Variants in GALNT6 observed in about 807,000 individuals in gnomAD.
GALNT6 encodes polypeptide N-acetylgalactosaminyltransferase 6.
GALNT6 carries 51 observed loss-of-function variants against 65.9 expected under a neutral mutation model. The observed-to-expected ratio is 0.77, with a 90% confidence interval of 0.62 to 0.98. GALNT6 has a LOEUF of 0.98. Among genes scored for constraint, GALNT6 ranks in the 50% least tolerant of loss-of-function variants. GALNT6 has a pLI of 0.00. For missense variants in GALNT6, 708 were observed against 803.3 expected (o/e 0.88, Z 1.43); for synonymous variants, 323 against 315.1 (o/e 1.02, Z -0.26).
At chr12:51,374,938 T>A (rs1326591018) in intron 4 of GALNT6, among the ~76,000 whole-genome samples, 5 of 152,192 alleles carry the variant, frequency 3.3e-5, no homozygotes, top group Non-Finnish European at 7.4e-5. Context: ...GCTTTTAGCA[T>A]GACATGAATG....
intron 4 of GALNT6, among the ~76,000 whole-genome samples, chr12:51,373,786 C>T (rs1384931402): frequency 1.3e-5 from 2 of 152,214 alleles, no homozygotes; most frequent in African/African-American, 2.4e-5. Context: ...CTTCCCTTTC[C>T]AGAAGCCTAA....
At chr12:51,385,886 G>A (rs969768833) in intron 2 of GALNT6, among the ~76,000 whole-genome samples, 2 of 152,046 alleles carry the variant, frequency 1.3e-5, no homozygotes, top group African/African-American at 4.8e-5. Context: ...CCAGGCTGAA[G>A]TGTAGTGGCA....
intron 1 of GALNT6, 84 bp downstream of exon 1, chr12:51,391,203 G>A (rs533830737): frequency 6.5e-6 from 1 of 152,948 alleles, no homozygotes; most frequent in Non-Finnish European, 1.5e-5. Context: ...GATCTGGGGA[G>A]ACGGGGCACA....
Position 51,361,003 on chromosome 12 carries a change from T to C in GALNT6, c.1050-165A>G, listed in dbSNP as rs115860134. Among the ~76,000 whole-genome samples the C allele has an allele frequency of 4.1e-3, 626 of 152,284 alleles. 5 individuals are homozygous for C. The highest frequency in any genetic ancestry group is 0.015 in the African/African-American group (609 of 41,548). The stretch of plus-strand genomic sequence containing the variant: ...ACTAACTCACTCATCATTTAGCTTT[T>C]ACTATGTCCTCTTCCCCTTCTAGGA... On this transcript the variant is annotated intron_variant, in intron 6 of 11. Transcript: ENST00000356317.
At chr12:51,371,737 C>A (rs960416379) in intron 4 of GALNT6, among the ~76,000 whole-genome samples, 3 of 152,126 alleles carry the variant, frequency 2.0e-5, no homozygotes, top group African/African-American at 7.2e-5. Context: ...CCCAGCTCAG[C>A]ACGCGGTCTC....
intron 4 of GALNT6, among the ~76,000 whole-genome samples, chr12:51,373,046 A>C (rs1947338545): frequency 6.6e-6 from 1 of 152,138 alleles, no homozygotes; most frequent in South Asian, 2.1e-4. Context: ...GTATCTAGGA[A>C]GTGACTTAAC....
intron 4 of GALNT6, among the ~76,000 whole-genome samples, chr12:51,365,932 T>C (rs1947087318): frequency 6.6e-6 from 1 of 152,182 alleles, no homozygotes; most frequent in Admixed American, 6.5e-5. Flanking sequence ...TTGTTGTTGT[T>C]GTTGAGATGG....
At chr12:51,355,997 C>T (rs745741509) in intron 10 of GALNT6, 39 bp from the exon 11 acceptor site, 1 of 1,604,142 alleles carries the variant, frequency 6.2e-7, no homozygotes, top group Non-Finnish European at 8.5e-7. Flanking sequence ...GAGAGTTCAC[C>T]CCCAGCCTTC....
Position 51,379,504 on chromosome 12 carries a change from A to G in GALNT6, c.278T>C (p.Phe93Ser), listed in dbSNP as rs1472899856. Reference protein sequence around the residue: ...FSINQSCLPGFYTPAELKPFW... With the variant: ...FSINQSCLPGSYTPAELKPFW... ...GGGCTTCAGTTCAGCTGGGGTATAG[A>G]ACCCAGGGAGGCAGGACTGGTTTAT... Residue 93 changes from phenylalanine (F) to serine (S), a missense_variant, in exon 3 of 12, where the codon TTC becomes TCC. Phe to Ser is a radical substitution (Grantham distance 155, BLOSUM62 -2). Coordinates refer to ENST00000356317, the MANE Select transcript of GALNT6 (RefSeq NM_007210.4). The G allele has an allele frequency of 1.2e-6, 2 of 1,614,100 alleles. No individual in the cohort carries two copies. Among genetic ancestry groups the G allele is most frequent in the South Asian group, 1.1e-5 (1 of 91,082 alleles).
intron 2 of GALNT6, chr12:51,382,272 C>G (rs1353508539): frequency 6.6e-6 from 1 of 152,120 alleles, no homozygotes; most frequent in Non-Finnish European, 1.5e-5. Flanking sequence ...CTCAAGGATC[C>G]TACAGTCAAT....
Position 51,379,803 on chromosome 12 carries a change from C to G in GALNT6, c.-22G>C. 1.3e-6 allele frequency: 2 copies of G among 1,584,180 alleles called. No individual in the cohort carries two copies. Among genetic ancestry groups the G allele is most frequent in the Non-Finnish European group, 1.7e-6 (2 of 1,169,414 alleles). ...TCATCCTCCAGAACCAAGGGGCACC[C>G]CAGCTGCGTCAGCTCTGAGTCCTGA... On this transcript the variant is annotated 5_prime_UTR_variant, in exon 3 of 12. Coordinates refer to ENST00000356317, the MANE Select transcript of GALNT6 (RefSeq NM_007210.4).
At chr12:51,388,606 C>G (rs1344964155) in intron 2 of GALNT6, among the ~76,000 whole-genome samples, 1 of 152,172 alleles carries the variant, frequency 6.6e-6, no homozygotes, top group Non-Finnish European at 1.5e-5. Flanking sequence ...TCTCTACTAC[C>G]CGTGCTTTCC....
chr12:51,384,388 A>G (rs1947762832), intron 2 of GALNT6, among the ~76,000 whole-genome samples: 1 of 152,170 alleles, frequency 6.6e-6, no homozygotes, highest in Non-Finnish European at 1.5e-5. Flanking sequence ...GCATTCAAAA[A>G]TTTCTTTAAA....
chr12:51,374,879 A>G (rs1474195379), intron 4 of GALNT6, among the ~76,000 whole-genome samples: 1 of 152,204 alleles, frequency 6.6e-6, no homozygotes, highest in Non-Finnish European at 1.5e-5. Context: ...ATGAAGTCAC[A>G]GTACAGATGA....
At chr12:51,379,202 C>T (rs1947571812) in intron 3 of GALNT6, 89 bp downstream of exon 3, 1 of 1,340,882 alleles carries the variant, frequency 7.5e-7, no homozygotes, top group East Asian at 2.4e-5. Flanking sequence ...TCAACTCTTT[C>T]TCTGGCCCTT....
At chr12:51,381,149 A>G (rs1239739715) in intron 2 of GALNT6, among the ~76,000 whole-genome samples, 1 of 152,206 alleles carries the variant, frequency 6.6e-6, no homozygotes, top group Non-Finnish European at 1.5e-5. Context: ...CTGAAGCAGG[A>G]GGACTGCTGG....
At position 51,386,133 on chromosome 12, in the gene GALNT6, AT is replaced by A. The variant is rs1947832850; in HGVS notation, c.-104+4716del. Among the ~76,000 whole-genome samples the A allele has an allele frequency of 2.6e-5, 4 of 152,348 alleles. No homozygotes were observed. The South Asian group carries it at 8.3e-4, about 32-fold the overall frequency. ...CTTACAGGATATTCTGCCATTACAC[AT>A]TAGCTTGCTGTTTTGACTAGGTCTG... On this transcript the variant is annotated intron_variant, in intron 2 of 11. Coordinates refer to ENST00000356317, the MANE Select transcript of GALNT6 (RefSeq NM_007210.4).
At chr12:51,389,985 G>A (rs1373990937) in intron 2 of GALNT6, among the ~76,000 whole-genome samples, 1 of 152,036 alleles carries the variant, frequency 6.6e-6, no homozygotes. Flanking sequence ...TCTTTTGAGG[G>A]TCTTGTCCTG....
chr12:51,382,869 C>T (rs1947717301), intron 2 of GALNT6, among the ~76,000 whole-genome samples: 2 of 152,030 alleles, frequency 1.3e-5, no homozygotes, highest in African/African-American at 4.8e-5. Flanking sequence ...GACAGTTTAC[C>T]CCGTCTGGTA....
Sources: gnomAD v4.1 joint callset for allele counts (sites outside exome capture counted in the v4.1 genomes callset) on GRCh38, gnomAD v4.1.1 for gene constraint, MANE v1.5 for transcripts, NCBI Gene and HGNC (gene_info 2026-07-23, HGNC 2026-07-21) for gene names.